TAFA5: variants seen among roughly 807,000 people sequenced by gnomAD.
TAFA5 encodes TAFA chemokine like family member 5, also known as chemokine-like protein TAFA-5.
Under a neutral mutation model 15.3 loss-of-function variants are expected in TAFA5, and 6 were observed. That is an observed-to-expected ratio of 0.39 (90% CI 0.21 to 0.77). The LOEUF (loss-of-function observed/expected upper bound fraction) is 0.77. Ranked by LOEUF, TAFA5 falls within the 30% of genes least tolerant of loss-of-function variation. The pLI is 0.41. For synonymous variants in TAFA5, 103 were observed against 80.7 expected, an observed-to-expected ratio of 1.28 and a Z score of -1.48; for missense variants, 161 against 193.1, an observed-to-expected ratio of 0.83 and a Z score of 0.98.
intron 2 of TAFA5, among the ~76,000 whole-genome samples, chr22:48,690,125 C>T (rs1928492702): frequency 6.6e-6 from 1 of 152,024 alleles, no homozygotes; most frequent in Non-Finnish European, 1.5e-5. Context: ...CTCCCCCCAC[C>T]CCTCCTGCAT....
intron 1 of TAFA5, among the ~76,000 whole-genome samples, chr22:48,532,093 C>T (rs880376): frequency 0.29 from 43,647 of 152,228 alleles, 7,785 homozygotes; most frequent in Middle Eastern, 0.44. Context: ...CGCCTGCCTC[C>T]TCCGGACGAG....
intron 1 of TAFA5, among the ~76,000 whole-genome samples, chr22:48,638,224 A>C (rs751255634): frequency 9.9e-5 from 15 of 151,928 alleles, no homozygotes; most frequent in Non-Finnish European, 2.1e-4. Flanking sequence ...CACAGGGTAC[A>C]CGTGTCTTAG....
intron 1 of TAFA5, among the ~76,000 whole-genome samples, chr22:48,607,152 C>T (rs181686416): frequency 6.6e-6 from 1 of 152,342 alleles, no homozygotes; most frequent in African/African-American, 2.4e-5. Context: ...GGATCTGGGG[C>T]CAGCCTGGAA....
intron 3 of TAFA5, among the ~76,000 whole-genome samples, chr22:48,713,393 C>G (rs1929312824): frequency 6.6e-6 from 1 of 152,220 alleles, no homozygotes; most frequent in Admixed American, 6.5e-5. Flanking sequence ...TGGATATGGA[C>G]AAGAGGACAC....
chr22:48,492,540 T>C (rs1402633172), intron 1 of TAFA5, among the ~76,000 whole-genome samples: 2 of 152,134 alleles, frequency 1.3e-5, no homozygotes, highest in Non-Finnish European at 2.9e-5. Flanking sequence ...GGGATCCATA[T>C]AGAAGGAGAT....
intron 1 of TAFA5, among the ~76,000 whole-genome samples, chr22:48,602,620 T>C (rs1460200969): frequency 6.6e-6 from 1 of 152,206 alleles, no homozygotes; most frequent in Non-Finnish European, 1.5e-5. Flanking sequence ...GTCTTTGTTG[T>C]AACATATATC....
intron 3 of TAFA5, among the ~76,000 whole-genome samples, chr22:48,723,263 G>C (rs1226844815): frequency 6.6e-6 from 1 of 152,168 alleles, no homozygotes; most frequent in Non-Finnish European, 1.5e-5. Flanking sequence ...GAAATACGAC[G>C]TGTGGCATGG....
chr22:48,643,215 C>T (rs528935307), intron 1 of TAFA5, among the ~76,000 whole-genome samples: 5 of 152,242 alleles, frequency 3.3e-5, no homozygotes, highest in Non-Finnish European at 7.3e-5. Flanking sequence ...GGGATAAGAA[C>T]GTGTACCGTT....
intron 1 of TAFA5, among the ~76,000 whole-genome samples, chr22:48,519,955 C>T (rs1209272617): frequency 6.6e-6 from 1 of 152,206 alleles, no homozygotes; most frequent in Non-Finnish European, 1.5e-5. Context: ...TTGTTTGTTG[C>T]AGATGGAATT....
intron 2 of TAFA5, among the ~76,000 whole-genome samples, chr22:48,685,816 G>A (rs539238622): frequency 1.7e-3 from 255 of 152,216 alleles, no homozygotes; most frequent in African/African-American, 5.0e-3. Flanking sequence ...ACCTGTTGCC[G>A]GCTGCATCCA....
chr22:48,521,338 G>C (rs1405077078), intron 1 of TAFA5, among the ~76,000 whole-genome samples: 3 of 152,126 alleles, frequency 2.0e-5, no homozygotes, highest in Non-Finnish European at 4.4e-5. Flanking sequence ...CCAGATCACG[G>C]CCCAGGGACC....
intron 1 of TAFA5, among the ~76,000 whole-genome samples, chr22:48,593,013 G>A (rs952821899): frequency 1.1e-4 from 16 of 152,144 alleles, no homozygotes; most frequent in Admixed American, 7.9e-4. Context: ...TAGCTGAGTG[G>A]GGCGGGGGGG....
In TAFA5 at chr22:48,552,600, A is replaced by AC. The variant is rs1922894996; in HGVS notation, c.112+62901dup. 6.6e-6 allele frequency among the ~76,000 whole-genome samples: 1 copy of AC among 151,086 alleles called. No homozygotes were observed. Among genetic ancestry groups the AC allele is most frequent in the Admixed American group, 6.6e-5 (1 of 15,204 alleles). ...TGCCTAAATGGATCGATCATCTAGA[A>AC]CCCCCGTCGCAGGGCTCGGAGTTGC... On this transcript the variant is annotated intron_variant, in intron 1 of 3. Coordinates refer to ENST00000402357, the MANE Select transcript of TAFA5 (RefSeq NM_001082967.3). This position sits in a 1 kb window ranked among gnomAD's most constrained non-coding sequence, Gnocchi z 4.1.
chr22:48,733,565 G>A (rs375480750), intron 3 of TAFA5, among the ~76,000 whole-genome samples: 3 of 152,236 alleles, frequency 2.0e-5, no homozygotes, highest in African/African-American at 7.2e-5. Flanking sequence ...TTGCAGGTGA[G>A]GTAAGCAGGT....
chr22:48,671,182 C>A (rs1231374417), intron 2 of TAFA5, among the ~76,000 whole-genome samples: 2 of 152,166 alleles, frequency 1.3e-5, no homozygotes, highest in African/African-American at 4.8e-5. Flanking sequence ...CGGCTGAGTT[C>A]TCACCCTGCT....
At chr22:48,726,885 A>T (rs1359542775) in intron 3 of TAFA5, among the ~76,000 whole-genome samples, 2 of 152,152 alleles carry the variant, frequency 1.3e-5, no homozygotes, top group Non-Finnish European at 2.9e-5. Context: ...GTTCCATAGG[A>T]CGGGCTGGGG....
At chr22:48,699,685 C>T (rs1200589383) in intron 2 of TAFA5, among the ~76,000 whole-genome samples, 1 of 152,234 alleles carries the variant, frequency 6.6e-6, no homozygotes, top group African/African-American at 2.4e-5. Context: ...GATAACTTGC[C>T]TAAGATGTCT....
intron 1 of TAFA5, among the ~76,000 whole-genome samples, chr22:48,503,443 G>A (rs115412669): frequency 7.2e-4 from 109 of 152,322 alleles, no homozygotes; most frequent in African/African-American, 2.2e-3. Flanking sequence ...ACTTGGGAAG[G>A]TTTCAGAACC....
At chr22:48,686,739 C>A (rs150423244) in intron 2 of TAFA5, among the ~76,000 whole-genome samples, 1 of 148,766 alleles carries the variant, frequency 6.7e-6, no homozygotes, top group Non-Finnish European at 1.5e-5. Flanking sequence ...GATGGTGAAT[C>A]GATTTTTGAA....
Sources: gnomAD v4.1 joint callset for allele counts (sites outside exome capture counted in the v4.1 genomes callset) on GRCh38, gnomAD v4.1.1 for gene constraint, Gnocchi (gnomAD v3.1) non-coding constraint, MANE v1.5 for transcripts, NCBI Gene and HGNC (gene_info 2026-07-23, HGNC 2026-07-21) for gene names.